The following FBLN7 variants were observed in gnomAD, a reference collection of about 807,000 sequenced individuals.
FBLN7 encodes fibulin-7.
In FBLN7, 31 loss-of-function variants were observed where a neutral mutation model predicts 44.0. The ratio of observed to expected loss-of-function variants is 0.70; its 90% CI spans 0.53 to 0.95. FBLN7 has a LOEUF of 0.95. Among genes scored for constraint, FBLN7 ranks in the 40% least tolerant of loss-of-function variants. FBLN7 has a pLI of 0.00. For synonymous variants in FBLN7, 262 were observed against 253.4 expected (o/e 1.03, Z -0.32); for missense variants, 573 against 618.5 (o/e 0.93, Z 0.78).
the FBLN7 span, among the ~76,000 whole-genome samples, chr2:112,244,042 T>G: frequency 2.6e-5 from 4 of 151,656 alleles, no homozygotes; most frequent in African/African-American, 9.7e-5. Flanking sequence ...AAATAAGAGA[T>G]ATGTCTCATA....
At chr2:112,157,902 CTTT>C (rs70962991) in intron 1 of FBLN7, among the ~76,000 whole-genome samples, 3 of 141,438 alleles carry the variant, frequency 2.1e-5, no homozygotes, top group Admixed American at 7.0e-5. Flanking sequence ...TTCTTTGGTT[CTTT>C]TTTTTTTTTT....
intron 1 of FBLN7, among the ~76,000 whole-genome samples, chr2:112,145,231 A>G (rs1416331268): frequency 2.0e-5 from 3 of 152,192 alleles, no homozygotes; most frequent in East Asian, 1.9e-4. Flanking sequence ...TTATTTGCCA[A>G]ATAGTCTATT....
Position 112,182,138 on chromosome 2 carries a change from T to C in FBLN7, c.670+262T>C, listed in dbSNP as rs1683034345. 1.0e-5 allele frequency: 5 copies of C among 487,514 alleles called. No individual in the cohort carries two copies. The East Asian group carries it at 2.0e-4, about 19-fold the overall frequency. 30.2% of individuals were successfully genotyped at this position (487,514 alleles called of 1,614,324 possible). Reference sequence around the variant, plus strand: ...ACACGCGCTTGGTTCAGGAGAGCCTTGAGACCCTCCATCCCCTCCGCCCTG... The same window carrying C: ...ACACGCGCTTGGTTCAGGAGAGCCTCGAGACCCTCCATCCCCTCCGCCCTG... On this transcript the variant is annotated intron_variant, in intron 5 of 7. Coordinates refer to ENST00000331203, the MANE Select transcript of FBLN7 (RefSeq NM_153214.3).
At chr2:112,160,726 A>G (rs772878791) in intron 2 of FBLN7, among the ~76,000 whole-genome samples, 4,005 of 132,644 alleles carry the variant, frequency 0.03, 67 homozygotes, top group Middle Eastern at 0.039. Flanking sequence ...GCACGCGCAC[A>G]CGCACGCACA....
the FBLN7 span, among the ~76,000 whole-genome samples, chr2:112,232,693 C>T: frequency 1.3e-5 from 2 of 152,106 alleles, no homozygotes; most frequent in African/African-American, 2.4e-5. Context: ...TCTAGGAAAA[C>T]AATCCTCAAA....
the FBLN7 span, among the ~76,000 whole-genome samples, chr2:112,225,950 C>T: frequency 3.1e-4 from 47 of 151,804 alleles, no homozygotes; most frequent in African/African-American, 7.5e-4. Context: ...GGTGTGGTGG[C>T]GCACACCTGT....
At chr2:112,196,975 G>A in the FBLN7 span, among the ~76,000 whole-genome samples, 1 of 151,916 alleles carries the variant, frequency 6.6e-6, no homozygotes, top group East Asian at 1.9e-4. Context: ...GATCTCCTAA[G>A]ACTTATTCAC....
intron 1 of FBLN7, 130 bp from the exon 2 acceptor site, chr2:112,159,546 T>C (rs753928528): frequency 3.7e-4 from 422 of 1,152,806 alleles, no homozygotes; most frequent in Non-Finnish European, 4.7e-4. Context: ...GCAGGTCACT[T>C]TTACGTTGCG....
chr2:112,147,007 G>A (rs1680930697), intron 1 of FBLN7, among the ~76,000 whole-genome samples: 1 of 152,124 alleles, frequency 6.6e-6, no homozygotes, highest in Non-Finnish European at 1.5e-5. Flanking sequence ...ATTATGAATG[G>A]ACATTGAATT....
At chr2:112,165,514 T>C (rs1350811913) in intron 3 of FBLN7, among the ~76,000 whole-genome samples, 1 of 152,202 alleles carries the variant, frequency 6.6e-6, no homozygotes, top group Non-Finnish European at 1.5e-5. Context: ...CCCCAGAGTC[T>C]GCGCTCCTTC....
intron 3 of FBLN7, among the ~76,000 whole-genome samples, chr2:112,169,710 G>A (rs1682350771): frequency 6.6e-6 from 1 of 152,162 alleles, no homozygotes; most frequent in African/African-American, 2.4e-5. Context: ...CCTCTGGGGT[G>A]CACAGGCTAA....
chr2:112,160,750 ACG>A (rs376979401), intron 2 of FBLN7, among the ~76,000 whole-genome samples: 56,751 of 128,702 alleles, frequency 0.44, 11,057 homozygotes, highest in Middle Eastern at 0.63. Flanking sequence ...ACACACGCGC[ACG>A]CACACACGCA....
At chr2:112,218,840 G>A in the FBLN7 span, among the ~76,000 whole-genome samples, 1 of 152,140 alleles carries the variant, frequency 6.6e-6, no homozygotes. Flanking sequence ...GCAGGGGTCA[G>A]TAACCCTAAC....
intron 1 of FBLN7, among the ~76,000 whole-genome samples, chr2:112,154,098 A>G (rs1457304648): frequency 6.6e-6 from 1 of 152,222 alleles, no homozygotes; most frequent in Non-Finnish European, 1.5e-5. Context: ...GTCAAGTTAG[A>G]TGAAGTACTC....
the FBLN7 span, among the ~76,000 whole-genome samples, chr2:112,202,328 G>A: frequency 1.3e-5 from 2 of 151,982 alleles, no homozygotes; most frequent in Non-Finnish European, 2.9e-5. Context: ...AAAAGTACTA[G>A]AAGACGACAT....
the FBLN7 span, chr2:112,213,461 A>G: frequency 3.3e-5 from 5 of 152,074 alleles, no homozygotes; most frequent in African/African-American, 1.2e-4. Flanking sequence ...TACTTGACCT[A>G]TATTATCTCA....
the FBLN7 span, among the ~76,000 whole-genome samples, chr2:112,225,677 C>T: frequency 2.0e-5 from 3 of 152,026 alleles, no homozygotes; most frequent in Admixed American, 2.0e-4. Context: ...ATTAGCTGGG[C>T]ATGGTGGTAA....
At chr2:112,230,704 T>C in the FBLN7 span, 1 of 245,048 alleles carries the variant, frequency 4.1e-6, no homozygotes, top group East Asian at 1.4e-4. Flanking sequence ...AAAATATACC[T>C]GATAGACAAG....
At chr2:112,189,050 A>G (rs1445750245), downstream of FBLN7, 1 of 152,256 alleles carries the variant, frequency 6.6e-6, no homozygotes, top group Non-Finnish European at 1.5e-5. Flanking sequence ...GCTGTGGGCT[A>G]GGGACAGCCC....
Sources: allele counts gnomAD v4.1 joint callset (sites outside exome capture counted in the v4.1 genomes callset), GRCh38; gene constraint gnomAD v4.1.1; transcripts MANE v1.5; gene names NCBI Gene and HGNC (gene_info 2026-07-23, HGNC 2026-07-21).